SPAST: variants seen among roughly 807,000 people sequenced by gnomAD.
SPAST encodes the protein spastic paraplegia 4 (autosomal dominant; spastin).
SPAST carries 30 observed loss-of-function variants against 76.6 expected under a neutral mutation model. The observed-to-expected ratio is 0.39, with a 90% confidence interval of 0.29 to 0.53. The LOEUF is 0.53. Ranked by LOEUF, SPAST falls within the 20% of genes least tolerant of loss-of-function variation. SPAST has a pLI of 0.68. For missense variants in SPAST, 717 were observed against 770.5 expected (o/e 0.93, Z 0.82); for synonymous variants, 305 against 281.0 (o/e 1.09, Z -0.86).
At chr2:32,075,312 G>C (rs569859029) in intron 1 of SPAST, among the ~76,000 whole-genome samples, 122 of 150,556 alleles carry the variant, frequency 8.1e-4, no homozygotes, top group Middle Eastern at 3.4e-3. Flanking sequence ...TGTAATCCCA[G>C]CTATTTGGGA....
rs539768930 is a variant in SPAST at position 32,120,234 on chromosome 2, A to C, written c.1098+4022A>C. ...ACTTACCTCTTTAAATAATCTTATA[A>C]AGCCATTTCTTAATTTTTGTTACCT... On this transcript the variant is annotated intron_variant, in intron 7 of 16. Transcript: ENST00000315285. Among the ~76,000 whole-genome samples the C allele has an allele frequency of 7.2e-5, 11 of 152,216 alleles. No individual in the cohort carries two copies. In the East Asian group the frequency reaches 2.1e-3, roughly 29 times the overall value.
chr2:32,065,043 G>A (rs545202249), intron 1 of SPAST, among the ~76,000 whole-genome samples: 3 of 149,862 alleles, frequency 2.0e-5, no homozygotes, highest in Admixed American at 6.6e-5. Flanking sequence ...TTTTTGAGAC[G>A]GAATCTCGCC....
intron 1 of SPAST, among the ~76,000 whole-genome samples, chr2:32,082,359 A>G (rs1677270792): frequency 6.6e-6 from 1 of 152,064 alleles, no homozygotes; most frequent in African/African-American, 2.4e-5. Context: ...CCAAGCCCAA[A>G]TGGATATTCT....
Position 32,087,680 on chromosome 2 carries a change from T to C in SPAST, c.502+102T>C, listed in dbSNP as rs576685979. ...TTATTTATTTATTTTTCTTTCTTTC[T>C]TTTCTTTTCTTTTCTTTTTTTTTTT... is the stretch of plus-strand genomic sequence containing the variant. On this transcript the variant is annotated intron_variant, in intron 2 of 16. Coordinates refer to ENST00000315285, the MANE Select transcript of SPAST (RefSeq NM_014946.4). 7 of 362,492 alleles carry C rather than the reference T, an allele frequency of 1.9e-5. No individual in the cohort carries two copies. The East Asian group carries it at 2.4e-4, about 13-fold the overall frequency. 22.5% of individuals were successfully genotyped at this position (362,492 alleles called of 1,614,324 possible). A position where few individuals can be genotyped will look rare whatever the true frequency, so the allele number is the denominator to read the frequency against.
intron 7 of SPAST, among the ~76,000 whole-genome samples, chr2:32,122,438 C>T (rs925069674): frequency 5.3e-5 from 8 of 152,136 alleles, no homozygotes; most frequent in African/African-American, 1.7e-4. Flanking sequence ...TCTCATGCCT[C>T]AGCCTCCCAA....
At chr2:32,150,744 C>A (rs1246285608) in intron 16 of SPAST, among the ~76,000 whole-genome samples, 1 of 151,854 alleles carries the variant, frequency 6.6e-6, no homozygotes, top group Non-Finnish European at 1.5e-5. Flanking sequence ...AATTTTTAAT[C>A]CCACACCTAA....
At chr2:32,098,755 T>C (rs769785962) in intron 3 of SPAST, 41 bp from the exon 4 acceptor site, 3 of 1,290,266 alleles carry the variant, frequency 2.3e-6, no homozygotes, top group African/African-American at 2.9e-5. Flanking sequence ...CTTTTTTCTT[T>C]TTGTTTATTT....
intron 3 of SPAST, among the ~76,000 whole-genome samples, chr2:32,093,006 CAA>C (rs35879561): frequency 8.1e-6 from 1 of 122,988 alleles, no homozygotes; most frequent in Non-Finnish European, 1.7e-5. Context: ...GACTCCGTCT[CAA>C]AAAAAAAAAA....
At chr2:32,081,582 G>A (rs1245803332) in intron 1 of SPAST, among the ~76,000 whole-genome samples, 6 of 151,684 alleles carry the variant, frequency 4.0e-5, no homozygotes, top group Middle Eastern at 3.2e-3. Context: ...TCAGGAGATC[G>A]AGACCATCCT....
At chr2:32,146,269 C>A (rs1002773618) in intron 15 of SPAST, among the ~76,000 whole-genome samples, 3 of 152,124 alleles carry the variant, frequency 2.0e-5, no homozygotes, top group Non-Finnish European at 4.4e-5. Context: ...CATTAAAGTA[C>A]AGAAAATGGC....
chr2:32,126,936 T>C lies in SPAST; in HGVS notation c.1099-12T>C, dbSNP rs1239734940. 6 of 1,578,688 alleles carry C rather than the reference T, an allele frequency of 3.8e-6. No homozygotes were observed. The highest frequency in any genetic ancestry group is 5.2e-6 in the Non-Finnish European group (6 of 1,147,906). ...AGAATCATAGTTGTAAACTAAAGTA[T>C]ATATTTTTTAGTTGTTCACAGGGCT... On this transcript the variant is annotated splice_polypyrimidine_tract_variant and intron_variant, in intron 7 of 16. Transcript: ENST00000315285.
intron 1 of SPAST, among the ~76,000 whole-genome samples, chr2:32,078,836 T>G (rs898343616): frequency 6.6e-6 from 1 of 152,164 alleles, no homozygotes; most frequent in Non-Finnish European, 1.5e-5. Context: ...TGGAATTTTT[T>G]TCATTTCAAT....
chr2:32,086,757 CAAAAA>C (rs530365221), intron 1 of SPAST, among the ~76,000 whole-genome samples: 3 of 126,094 alleles, frequency 2.4e-5, no homozygotes, highest in Non-Finnish European at 5.1e-5. Context: ...GACTCTGTCT[CAAAAA>C]AAAAAGAAAA....
At chr2:32,086,893 ATACT>A (rs1677504970) in intron 1 of SPAST, among the ~76,000 whole-genome samples, 1 of 152,206 alleles carries the variant, frequency 6.6e-6, no homozygotes, top group Non-Finnish European at 1.5e-5. Context: ...GTTATTCTAC[ATACT>A]TTTTGATTAT....
chr2:32,128,724 G>GA, intron 9 of SPAST: 1 of 486,622 alleles, frequency 2.1e-6, no homozygotes, highest in Non-Finnish European at 3.7e-6. Context: ...TTAAACATCA[G>GA]CAATTTATTG....
At chr2:32,064,575 G>C (rs112598064) in intron 1 of SPAST, among the ~76,000 whole-genome samples, 70 of 152,286 alleles carry the variant, frequency 4.6e-4, no homozygotes, top group Admixed American at 2.0e-3. Context: ...ATCCTTTCTA[G>C]CACTGTGAAG....
At chr2:32,091,526 C>T (rs1051838192) in intron 3 of SPAST, among the ~76,000 whole-genome samples, 1 of 150,210 alleles carries the variant, frequency 6.7e-6, no homozygotes, top group Admixed American at 6.6e-5. Flanking sequence ...ATCCATCCAC[C>T]TCAGCCTCCC....
intron 15 of SPAST, 101 bp from the exon 16 acceptor site, chr2:32,147,117 C>G (rs1200354031): frequency 1.3e-6 from 1 of 785,668 alleles, no homozygotes; most frequent in Non-Finnish European, 2.3e-6. Flanking sequence ...ATGATTTGTA[C>G]TGAATAGATA....
chr2:32,145,891 C>G (rs1295584569), intron 15 of SPAST, among the ~76,000 whole-genome samples: 1 of 152,202 alleles, frequency 6.6e-6, no homozygotes, highest in African/African-American at 2.4e-5. Context: ...ATCCCTTTCT[C>G]TCATTCAAGA....
Sources: allele counts gnomAD v4.1 joint callset (sites outside exome capture counted in the v4.1 genomes callset), GRCh38; gene constraint gnomAD v4.1.1; transcripts MANE v1.5; gene names NCBI Gene and HGNC (gene_info 2026-07-23, HGNC 2026-07-21).